IGF2R: variants seen among roughly 807,000 people sequenced by gnomAD.
IGF2R encodes the protein cation-independent mannose-6-phosphate receptor.
In IGF2R, 91 loss-of-function variants were observed where a neutral mutation model predicts 270.6. The observed-to-expected ratio is 0.34, with a 90% CI of 0.28 to 0.40. The LOEUF (loss-of-function observed/expected upper bound fraction) is 0.40. Ranked by LOEUF, IGF2R falls within the 10% of genes least tolerant of loss-of-function variation. The pLI, the probability that IGF2R is intolerant of heterozygous loss-of-function variation, is 1.00. For missense variants in IGF2R, 2,805 were observed against 3,188.3 expected, an observed-to-expected ratio of 0.88 and a Z score of 2.90; for synonymous variants, 1,316 against 1,258.9, an observed-to-expected ratio of 1.05 and a Z score of -0.96.
intron 41 of IGF2R, among the ~76,000 whole-genome samples, 176 bp from the exon 42 acceptor site, chr6:160,087,857 G>A (rs1779128692): frequency 6.6e-6 from 1 of 152,138 alleles, no homozygotes; most frequent in African/African-American, 2.4e-5. Flanking sequence ...TGTATTTTTA[G>A]TAGAGACGGG....
rs757470554 is a variant in IGF2R at position 160,046,537 on chromosome 6, G to T, written c.1943G>T (p.Gly648Val). ...FDLSPLTKKN[G>V]AYKVETKKYD... ...TTATCACCTCTCACAAAGAAAAATG[G>T]TGCCTATAAAGTTGAGACAAAGAAG... Residue 648 changes from glycine (G) to valine (V), a missense_variant, in exon 15 of 48, where the codon GGT becomes GTT. Around this residue, in one of 2 missense-constraint regions of IGF2R, gnomAD observed 954 missense variants for 981.1 expected, o/e 0.97. Coordinates refer to ENST00000356956, the MANE Select transcript of IGF2R (RefSeq NM_000876.4). The T allele has an allele frequency of 6.2e-7, 1 of 1,612,960 alleles. No individual in the cohort carries two copies. Among genetic ancestry groups the T allele is most frequent in the South Asian group, 1.1e-5 (1 of 90,950 alleles).
chr6:160,038,088 C>CA (rs1201475780), intron 10 of IGF2R, among the ~76,000 whole-genome samples: 3 of 152,164 alleles, frequency 2.0e-5, no homozygotes, highest in African/African-American at 7.2e-5. Context: ...CCTCCTTAGG[C>CA]AGAGAGCTCC....
rs1491018714 is a variant in IGF2R, at chr6:160,105,910, T to TGTGTGC, written c.*831_*832insCGTGTG. On this transcript the variant is annotated 3_prime_UTR_variant, in exon 48 of 48. Transcript: ENST00000356956. ...CCAAAGATTGATTTGTGTGTTTGTG[T>TGTGTGC]GTGTGTGTGTGTGTGTGTGTGTGTG... 6.9e-6 allele frequency: 1 copy of TGTGTGC among 144,016 alleles called. No homozygotes were observed. Among genetic ancestry groups the TGTGTGC allele is most frequent in the Non-Finnish European group, 1.5e-5 (1 of 65,252 alleles). The allele number at this position is 144,016 out of a possible 1,614,324, so 8.9% of individuals were successfully genotyped here.
intron 1 of IGF2R, among the ~76,000 whole-genome samples, chr6:159,987,145 A>C: frequency 6.6e-6 from 1 of 152,230 alleles, no homozygotes; most frequent in Middle Eastern, 3.2e-3. Flanking sequence ...AAAGAAATTT[A>C]GAATCCTTTA....
At chr6:160,013,201 AT>A (rs1055661911) in intron 4 of IGF2R, among the ~76,000 whole-genome samples, 3 of 152,174 alleles carry the variant, frequency 2.0e-5, no homozygotes, top group African/African-American at 7.2e-5. Flanking sequence ...GCTTTCCAAA[AT>A]AAAATGAATA....
intron 44 of IGF2R, chr6:160,095,393 T>C (rs1779331066): frequency 6.6e-6 from 1 of 152,428 alleles, no homozygotes; most frequent in Non-Finnish European, 1.5e-5. Flanking sequence ...GAAAGATTAG[T>C]GTTATGGAAG....
At chr6:160,103,280 C>A (rs1412514345) in intron 46 of IGF2R, among the ~76,000 whole-genome samples, 1 of 151,008 alleles carries the variant, frequency 6.6e-6, no homozygotes, top group Non-Finnish European at 1.5e-5. Context: ...AAGATCTCAC[C>A]ACTGCACTCT....
chr6:160,006,885 G>T, intron 2 of IGF2R: 1 of 150,088 alleles, frequency 6.7e-6, no homozygotes. Flanking sequence ...TTTTCGCTAG[G>T]AGTAATCATT....
chr6:159,989,102 C>T (rs769424431), intron 1 of IGF2R, among the ~76,000 whole-genome samples: 1 of 152,178 alleles, frequency 6.6e-6, no homozygotes, highest in Non-Finnish European at 1.5e-5. Flanking sequence ...GTACCCCAGC[C>T]TGCTCTTCAG....
intron 11 of IGF2R, among the ~76,000 whole-genome samples, chr6:160,042,908 A>G (rs1045256595): frequency 6.6e-5 from 10 of 150,994 alleles, no homozygotes; most frequent in African/African-American, 2.4e-4. Context: ...AGTTGGGCCT[A>G]CTCTTCTGAA....
chr6:160,009,057 A>G lies in IGF2R; in HGVS notation c.337A>G (p.Thr113Ala), dbSNP rs748343480. 3 of 1,614,002 alleles carry G rather than the reference A, an allele frequency of 1.9e-6. No homozygotes were observed. Among genetic ancestry groups the G allele is most frequent in the South Asian group, 2.2e-5 (2 of 91,082 alleles). ...SATRSLLEFN[T>A]TVSCDQQGTN... is the part of the protein sequence containing the mutation. ...AACCAGATCTCTCCTGGAATTCAAC[A>G]CAACAGTGAGCTGTGACCAGCAAGG... Residue 113 changes from threonine (T) to alanine (A), a missense_variant, in exon 3 of 48, where the codon ACA becomes GCA. Transcript: ENST00000356956.
chr6:160,007,106 G>A (rs1784254391), intron 2 of IGF2R: 1 of 151,264 alleles, frequency 6.6e-6, no homozygotes, highest in Non-Finnish European at 1.5e-5. Flanking sequence ...TGGATCTGCT[G>A]AAGTTAATTT....
intron 27 of IGF2R, among the ~76,000 whole-genome samples, chr6:160,063,959 A>G (rs1215925711): frequency 6.6e-6 from 1 of 152,222 alleles, no homozygotes; most frequent in Non-Finnish European, 1.5e-5. Flanking sequence ...GATAGCATTG[A>G]GTCACAGGGA....
intron 1 of IGF2R, among the ~76,000 whole-genome samples, chr6:159,976,612 C>G (rs1431203285): frequency 1.3e-5 from 2 of 151,872 alleles, no homozygotes; most frequent in Non-Finnish European, 2.9e-5. Context: ...ATGTTTCTTT[C>G]TTCGGAGTAC....
At chr6:159,997,948 CCT>C (rs991980555) in intron 2 of IGF2R, among the ~76,000 whole-genome samples, 23 of 152,248 alleles carry the variant, frequency 1.5e-4, no homozygotes, top group African/African-American at 5.3e-4. Context: ...GTTTGATTTC[CCT>C]CTCTCTCTAC....
Position 160,045,860 on chromosome 6 carries a change from C to A in IGF2R, c.1881C>A (p.Cys627Ter). The change falls in exon 14 of 48, where the codon TGC (cysteine) becomes TGA (stop). Residue 627 changes from cysteine to a stop codon, truncating the protein, a stop_gained. Transcript: ENST00000356956. LOFTEE classifies it high-confidence loss of function. ...CVLSKTEGEN[C>*]TVFDSQAGFS... ...TGTCTAAGACAGAAGGGGAGAACTG[C>A]ACGGTCTTTGACTCCCAGGCAGGTC... The A allele has an allele frequency of 6.3e-7, 1 of 1,588,884 alleles. No individual in the cohort carries two copies. Among genetic ancestry groups the A allele is most frequent in the East Asian group, 2.3e-5 (1 of 44,146 alleles).
chr6:160,100,538 G>T (rs912854853), intron 45 of IGF2R, among the ~76,000 whole-genome samples: 1 of 152,040 alleles, frequency 6.6e-6, no homozygotes, highest in Non-Finnish European at 1.5e-5. Context: ...TGATTGCTGG[G>T]TTGAGTAGAC....
intron 36 of IGF2R, 117 bp from the exon 37 acceptor site, chr6:160,078,084 C>T (rs2115280121): frequency 2.1e-6 from 2 of 948,286 alleles, no homozygotes; most frequent in Admixed American, 2.1e-5. Context: ...GTCTAGCATC[C>T]CTTCCCTCTG....
At chr6:160,099,075 A>G (rs1779425990) in intron 45 of IGF2R, among the ~76,000 whole-genome samples, 1 of 152,218 alleles carries the variant, frequency 6.6e-6, no homozygotes. Flanking sequence ...AAAGACAGGC[A>G]TCTACAGATG....
Sources: allele counts gnomAD v4.1 joint callset (sites outside exome capture counted in the v4.1 genomes callset), GRCh38; gene constraint gnomAD v4.1.1; regional missense constraint gnomAD v4.1.1; transcripts MANE v1.5; gene names NCBI Gene and HGNC (gene_info 2026-07-23, HGNC 2026-07-21).